The following MYO7B variants were observed in gnomAD, a reference collection of about 807,000 sequenced individuals.
The protein encoded by MYO7B is unconventional myosin-VIIb.
Under a neutral mutation model 259.7 loss-of-function variants are expected in MYO7B, and 212 were observed. The observed-to-expected ratio is 0.82, with a 90% CI of 0.73 to 0.91. The LOEUF (loss-of-function observed/expected upper bound fraction) is 0.91. Ranked by LOEUF, MYO7B falls within the 40% of genes least tolerant of loss-of-function variation. The probability of loss-of-function intolerance (pLI) is 0.00; values close to 1 mark genes in which losing one functional copy is unlikely to be tolerated. For synonymous variants in MYO7B, 1,197 were observed against 1,166.4 expected (o/e 1.03, Z -0.54); for missense variants, 2,732 against 2,813.5 (o/e 0.97, Z 0.66).
intron 26 of MYO7B, among the ~76,000 whole-genome samples, chr2:127,619,355 G>T (rs1163592471): frequency 7.1e-6 from 1 of 140,702 alleles, no homozygotes; most frequent in Non-Finnish European, 1.6e-5. Flanking sequence ...CCGGCTGGGT[G>T]GTGGGCGCCA....
Position 127,559,294 on chromosome 2 carries a change from C to T in MYO7B, c.-23-406C>T, listed in dbSNP as rs1486815729. Among the ~76,000 whole-genome samples, 1 of 152,200 alleles carries T rather than the reference C, an allele frequency of 6.6e-6. No homozygotes were observed. Among genetic ancestry groups the T allele is most frequent in the African/African-American group, 2.4e-5 (1 of 41,444 alleles). On this transcript the variant is annotated intron_variant, in intron 1 of 47. Transcript: ENST00000409816. The surrounding 1 kb of genome is among the most constrained non-coding windows in gnomAD (Gnocchi z 4.1). ...CCCATGTCTAAAGTGAGGGAACACG[C>T]ACATTCTGCAGTGCTGTGAGGCTTA...
rs537777790 is a variant in MYO7B at position 127,585,579 on chromosome 2, C to T, written c.1690+666C>T. On this transcript the variant is annotated intron_variant, in intron 14 of 47. Transcript: ENST00000409816. The surrounding 1 kb of genome is among the most constrained non-coding windows in gnomAD (Gnocchi z 4.3). ...TTGTGTGGGCATATGTTTTCATTTCCCCTGGGTATCTACCTAGCAGCAGAA... is the reference window on the plus strand; with the variant it reads ...TTGTGTGGGCATATGTTTTCATTTCTCCTGGGTATCTACCTAGCAGCAGAA... Among the ~76,000 whole-genome samples, 2 of 152,296 alleles carry T rather than the reference C, an allele frequency of 1.3e-5. No individual in the cohort carries two copies. The highest frequency in any genetic ancestry group is 2.1e-4 in the South Asian group (1 of 4,826).
Position 127,607,645 on chromosome 2 carries a change from T to C in MYO7B, c.2643+221T>C, listed in dbSNP as rs913693607. On this transcript the variant is annotated intron_variant, in intron 21 of 47. Coordinates refer to ENST00000409816, the MANE Select transcript of MYO7B (RefSeq NM_001393586.1). This position sits in a 1 kb window ranked among gnomAD's most constrained non-coding sequence, Gnocchi z 4.4. ...AAATTAGCAGGCACCTGGGCTGAGA[T>C]GTAGCTATCACGAGAGACACACCGT... is the stretch of plus-strand genomic sequence containing the variant. Among the ~76,000 whole-genome samples, 2 of 151,666 alleles carry C rather than the reference T, an allele frequency of 1.3e-5. No homozygotes were observed. Among genetic ancestry groups the C allele is most frequent in the Non-Finnish European group, 2.9e-5 (2 of 67,990 alleles).
intron 19 of MYO7B, among the ~76,000 whole-genome samples, chr2:127,602,125 T>A (rs190916050): frequency 1.6e-4 from 24 of 152,362 alleles, no homozygotes; most frequent in Admixed American, 1.4e-3. Context: ...AAGTATTTCA[T>A]TTTGATTTAT....
In MYO7B at chr2:127,596,694, A is replaced by G. The variant is rs866148278; in HGVS notation, c.2339+138A>G. On this transcript the variant is annotated intron_variant, in intron 19 of 47. Coordinates refer to ENST00000409816, the MANE Select transcript of MYO7B (RefSeq NM_001393586.1). ...TACTGAGATCTTCCAATGCCTTCCA[A>G]CCAGGGACACTGCAGCCTATGTTGG... 51 of 692,138 alleles carry G rather than the reference A, an allele frequency of 7.4e-5. No individual in the cohort carries two copies. The Middle Eastern group carries it at 1.2e-3, about 16-fold the overall frequency. The allele number at this position is 692,138 out of a possible 1,614,324, so 42.9% of individuals were successfully genotyped here. A position where few individuals can be genotyped will look rare whatever the true frequency, so the allele number is the denominator to read the frequency against.
chr2:127,634,483 G>A lies in MYO7B; in HGVS notation c.5626-113G>A, dbSNP rs4662586. ...ACACGCCAATAGCCCACGCACAGCC[G>A]ACTCCAGCGCAGCACCCAGGCCGTA... On this transcript the variant is annotated intron_variant, in intron 41 of 47. Transcript: ENST00000409816. The A allele has an allele frequency of 6.5e-3, 6,556 of 1,001,848 alleles. 47 individuals carry two copies. The highest frequency in any genetic ancestry group is 8.3e-3 in the Non-Finnish European group (5,446 of 656,428). The allele number at this position is 1,001,848 out of a possible 1,614,324, so 62.1% of individuals were successfully genotyped here.
chr2:127,540,762 G>C lies in MYO7B; in HGVS notation c.-24+4931G>C, dbSNP rs75821870. 4.5e-3 allele frequency among the ~76,000 whole-genome samples: 689 copies of C among 152,306 alleles called. 16 individuals carry two copies. The highest frequency in any genetic ancestry group is 0.032 in the East Asian group (165 of 5,178). ...GTTTTCAAAGGCTATCTCTACAGTA[G>C]AGGAAAGTTTCTCATGGCCTACCTC... is the stretch of plus-strand genomic sequence containing the variant. On this transcript the variant is annotated intron_variant, in intron 1 of 47. Coordinates refer to ENST00000409816, the MANE Select transcript of MYO7B (RefSeq NM_001393586.1).
chr2:127,625,273 G>C, intron 30 of MYO7B, 95 bp from the exon 31 acceptor site: 1 of 1,366,310 alleles, frequency 7.3e-7, no homozygotes, highest in South Asian at 1.7e-5. Context: ...CCCCTGTGAT[G>C]GGGCAAGAGC....
rs1246750839 is a variant in MYO7B at position 127,586,163 on chromosome 2, C to T, written c.1690+1250C>T. The stretch of plus-strand genomic sequence containing the variant: ...TCATGAAGATTTATCCCTATGTTTT[C>T]TTCTAAGATTTTTTTAGTGTTAGTT... On this transcript the variant is annotated intron_variant, in intron 14 of 47. Coordinates refer to ENST00000409816, the MANE Select transcript of MYO7B (RefSeq NM_001393586.1). This position sits in a 1 kb window ranked among gnomAD's most constrained non-coding sequence, Gnocchi z 4.8. Among the ~76,000 whole-genome samples, 1 of 152,102 alleles carries T rather than the reference C, an allele frequency of 6.6e-6. No homozygotes were observed. Among genetic ancestry groups the T allele is most frequent in the Non-Finnish European group, 1.5e-5 (1 of 68,028 alleles).
chr2:127,585,022 G>C lies in MYO7B; in HGVS notation c.1690+109G>C. ...GCTATTTTGCAGCTCTAGCAATGGGGCAGAGGGATGAGTAGTATGGCTTCT... is the reference window on the plus strand; with the variant it reads ...GCTATTTTGCAGCTCTAGCAATGGGCCAGAGGGATGAGTAGTATGGCTTCT... On this transcript the variant is annotated intron_variant, in intron 14 of 47. Transcript: ENST00000409816. This position sits in a 1 kb window ranked among gnomAD's most constrained non-coding sequence, Gnocchi z 4.3. 7.2e-7 allele frequency: 1 copy of C among 1,396,342 alleles called. No individual in the cohort carries two copies. The highest frequency in any genetic ancestry group is 1.4e-5 in the African/African-American group (1 of 70,136). The allele number at this position is 1,396,342 out of a possible 1,614,324, so 86.5% of individuals were successfully genotyped here.
chr2:127,616,666 G>A (rs1278102311), intron 26 of MYO7B, among the ~76,000 whole-genome samples: 1 of 152,222 alleles, frequency 6.6e-6, no homozygotes, highest in Non-Finnish European at 1.5e-5. Flanking sequence ...AACGCACTCC[G>A]ACTGGGAGAT....
intron 26 of MYO7B, among the ~76,000 whole-genome samples, chr2:127,617,486 G>GTTTTTTTTT (rs1558838488): frequency 1.9e-5 from 2 of 107,834 alleles, no homozygotes; most frequent in African/African-American, 4.9e-5. Flanking sequence ...CTTGTAACGG[G>GTTTTTTTTT]GTTTTTTTTT....
intron 5 of MYO7B, among the ~76,000 whole-genome samples, chr2:127,569,304 G>C (rs1032655628): frequency 6.6e-6 from 1 of 152,160 alleles, no homozygotes; most frequent in Non-Finnish European, 1.5e-5. Flanking sequence ...TTGGCCGGGA[G>C]TTGAAGCTGG....
Position 127,636,019 on chromosome 2 carries a change from G to A in MYO7B, c.6006+112G>A. 2.2e-6 allele frequency: 3 copies of A among 1,362,220 alleles called. No homozygotes were observed. Among genetic ancestry groups the A allele is most frequent in the South Asian group, 1.4e-5 (1 of 70,390 alleles). The allele number at this position is 1,362,220 out of a possible 1,614,324, so 84.4% of individuals were successfully genotyped here. ...GATCACATGGGTGCACATGGGTGGTGTGGAGGGTGGGCTGGCTCTGCACAC... is the reference window on the plus strand; with the variant it reads ...GATCACATGGGTGCACATGGGTGGTATGGAGGGTGGGCTGGCTCTGCACAC... On this transcript the variant is annotated intron_variant, in intron 44 of 47. Coordinates refer to ENST00000409816, the MANE Select transcript of MYO7B (RefSeq NM_001393586.1). The surrounding 1 kb of genome is among the most constrained non-coding windows in gnomAD (Gnocchi z 4.5).
chr2:127,573,806 A>G (rs1573639620), intron 6 of MYO7B, 114 bp from the exon 7 acceptor site: 2 of 1,375,780 alleles, frequency 1.5e-6, no homozygotes, highest in South Asian at 2.7e-5. Context: ...AGCCGTGCCC[A>G]TTCTTCAATT....
intron 19 of MYO7B, among the ~76,000 whole-genome samples, chr2:127,605,177 G>A (rs561486989): frequency 1.5e-4 from 23 of 152,302 alleles, no homozygotes; most frequent in Admixed American, 4.6e-4. Context: ...TTTCTTCTCC[G>A]TGTCCAGCCC....
In MYO7B at chr2:127,632,320, C is replaced by T; in HGVS notation, c.5324C>T (p.Pro1775Leu). 6.2e-7 allele frequency: 1 copy of T among 1,609,248 alleles called. No homozygotes were observed. Among genetic ancestry groups the T allele is most frequent in the Non-Finnish European group, 8.5e-7 (1 of 1,178,592 alleles). ...TTCCCGCCCAGCAAGGGGCTGCTGCCCCATGCCCAGAAGTTTATAGACACT... is the reference window on the plus strand; with the variant it reads ...TTCCCGCCCAGCAAGGGGCTGCTGCTCCATGCCCAGAAGTTTATAGACACT... ...GLFPPSKGLL[P>L]HAQKFIDTRR... Residue 1775 changes from proline (P) to leucine (L), a missense_variant, in exon 39 of 48, where the codon CCC (proline) becomes CTC (leucine). By Grantham distance (98) the Pro-to-Leu change is moderately conservative. This residue lies in a region of MYO7B where 821 missense variants were observed against 769.3 expected (regional missense o/e 1.07). Coordinates refer to ENST00000409816, the MANE Select transcript of MYO7B (RefSeq NM_001393586.1).
chr2:127,635,838 C>T lies in MYO7B; in HGVS notation c.5937C>T (p.Val1979=). The change falls in exon 44 of 48, where the codon GTC becomes GTT. Residue 1979 remains valine, a synonymous_variant. Transcript: ENST00000409816. ...FNNDRSQLAS[V]PKILRELVPE... ...ACGACCGGTCCCAGCTGGCTAGTGT[C>T]CCCAAGATCCTGAGGGAACTGGTGC... 1 of 1,584,644 alleles carries T rather than the reference C, an allele frequency of 6.3e-7. No homozygotes were observed. The highest frequency in any genetic ancestry group is 8.6e-7 in the Non-Finnish European group (1 of 1,165,964).
intron 18 of MYO7B, among the ~76,000 whole-genome samples, chr2:127,595,971 TA>T (rs1679755294): frequency 6.6e-6 from 1 of 152,208 alleles, no homozygotes; most frequent in African/African-American, 2.4e-5. Flanking sequence ...TGTAGATATC[TA>T]TCAGGTCCAC....
Sources: gnomAD v4.1 joint callset for allele counts (sites outside exome capture counted in the v4.1 genomes callset) on GRCh38, gnomAD v4.1.1 for gene constraint, gnomAD v4.1.1 regional missense constraint, Gnocchi (gnomAD v3.1) non-coding constraint, MANE v1.5 for transcripts, NCBI Gene and HGNC (gene_info 2026-07-23, HGNC 2026-07-21) for gene names.